NCK2: variants seen among roughly 807,000 people sequenced by gnomAD.
NCK2 encodes the protein NCK adaptor protein 2, also known as cytoplasmic protein NCK2.
In NCK2, 16 loss-of-function variants were observed where a neutral mutation model predicts 33.9. That is an observed-to-expected ratio of 0.47 (90% confidence interval 0.32 to 0.72). The LOEUF (loss-of-function observed/expected upper bound fraction) is 0.72. Ranked by LOEUF, NCK2 falls within the 30% of genes least tolerant of loss-of-function variation. The pLI is 0.03. For missense variants in NCK2, 418 were observed against 537.3 expected (o/e 0.78, Z 2.19); for synonymous variants, 273 against 239.9 (o/e 1.14, Z -1.27).
chr2:105,755,066 A>G (rs1377668336), intron 1 of NCK2, among the ~76,000 whole-genome samples: 2 of 151,898 alleles, frequency 1.3e-5, no homozygotes, highest in Non-Finnish European at 2.9e-5. Flanking sequence ...TGTCTTTGTT[A>G]CTGCCCTCAT....
chr2:105,859,745 C>T lies in NCK2; in HGVS notation c.226+4456C>T, dbSNP rs115027465. 7.6e-3 allele frequency among the ~76,000 whole-genome samples: 1,158 copies of T among 152,212 alleles called. 16 individuals carry two copies. Among genetic ancestry groups the T allele is most frequent in the African/African-American group, 0.026 (1,091 of 41,524 alleles). On this transcript the variant is annotated intron_variant, in intron 3 of 4. Transcript: ENST00000233154. ...AAGGAGTACAGCTGTAGGATTGTTA[C>T]GTAAGATCCAAAAGCAGTGAAAAGC...
At chr2:105,821,615 G>T (rs1675743277) in intron 2 of NCK2, among the ~76,000 whole-genome samples, 1 of 152,166 alleles carries the variant, frequency 6.6e-6, no homozygotes, top group South Asian at 2.1e-4. Flanking sequence ...TGATTCCACA[G>T]TGCCCCGGTG....
chr2:105,757,629 A>G (rs1202088742), intron 1 of NCK2, among the ~76,000 whole-genome samples: 1 of 152,224 alleles, frequency 6.6e-6, no homozygotes, highest in African/African-American at 2.4e-5. Context: ...AGCAAACCAG[A>G]CAAACACCAG....
At chr2:105,875,870 TATG>T (rs1247787638) in intron 3 of NCK2, among the ~76,000 whole-genome samples, 2 of 152,262 alleles carry the variant, frequency 1.3e-5, no homozygotes, top group Non-Finnish European at 2.9e-5. Flanking sequence ...ACCGTAATTT[TATG>T]ATGATAGATT....
chr2:105,868,620 G>T (rs1332453378), intron 3 of NCK2, among the ~76,000 whole-genome samples: 1 of 152,210 alleles, frequency 6.6e-6, no homozygotes, highest in African/African-American at 2.4e-5. Context: ...TGTTTAACCG[G>T]CTGTGCTAAG....
intron 1 of NCK2, among the ~76,000 whole-genome samples, chr2:105,754,307 A>G (rs1689541060): frequency 6.6e-6 from 1 of 152,212 alleles, no homozygotes; most frequent in Admixed American, 6.5e-5. Flanking sequence ...GGAAGTGAGA[A>G]GTGAAAAGTA....
At chr2:105,758,585 T>A (rs996316342) in intron 1 of NCK2, among the ~76,000 whole-genome samples, 165 of 152,144 alleles carry the variant, frequency 1.1e-3, no homozygotes, top group Non-Finnish European at 1.8e-4. Context: ...AATTTTCGTA[T>A]TTTTAGTAGA....
At chr2:105,774,011 C>CTTT (rs34519484) in intron 1 of NCK2, among the ~76,000 whole-genome samples, 2,019 of 142,576 alleles carry the variant, frequency 0.014, 77 homozygotes, top group African/African-American at 0.043. Flanking sequence ...TTCCAGCTAT[C>CTTT]TTTTTTTTTT....
rs143037116 is a variant in NCK2 at position 105,874,671 on chromosome 2, C to T, written c.227-6657C>T. 6.0e-3 allele frequency among the ~76,000 whole-genome samples: 910 copies of T among 152,308 alleles called. 8 individuals carry two copies. Among genetic ancestry groups the T allele is most frequent in the African/African-American group, 0.021 (879 of 41,560 alleles). On this transcript the variant is annotated intron_variant, in intron 3 of 4. Coordinates refer to ENST00000233154, the MANE Select transcript of NCK2 (RefSeq NM_003581.5). ...GTTTGACGCTTCAGCTTAAATCTCC[C>T]GAACTCCAGCTGGAAGATGACAGGC...
At chr2:105,839,556 C>A (rs975896638) in intron 2 of NCK2, among the ~76,000 whole-genome samples, 3 of 152,192 alleles carry the variant, frequency 2.0e-5, no homozygotes, top group Non-Finnish European at 2.9e-5. Flanking sequence ...CTCAGAAGGG[C>A]AGACTGCGGG....
At chr2:105,805,551 A>G (rs1015857797) in intron 1 of NCK2, among the ~76,000 whole-genome samples, 1 of 152,062 alleles carries the variant, frequency 6.6e-6, no homozygotes, top group Non-Finnish European at 1.5e-5. Context: ...AAATTTCCCG[A>G]ACTTACTCAT....
chr2:105,807,636 C>T (rs762403632), intron 1 of NCK2, among the ~76,000 whole-genome samples: 16 of 152,018 alleles, frequency 1.1e-4, no homozygotes, highest in African/African-American at 2.4e-4. Flanking sequence ...TGAGCCCCTG[C>T]GGAGGCTGAT....
chr2:105,841,232 C>A (rs1181624978), intron 2 of NCK2, among the ~76,000 whole-genome samples: 2 of 152,198 alleles, frequency 1.3e-5, no homozygotes, highest in South Asian at 4.1e-4. Context: ...ACCTACCTTC[C>A]CCTACTTTAA....
At chr2:105,758,114 A>T (rs1393460536) in intron 1 of NCK2, among the ~76,000 whole-genome samples, 1 of 152,202 alleles carries the variant, frequency 6.6e-6, no homozygotes, top group Admixed American at 6.5e-5. Flanking sequence ...TTTATCTCTT[A>T]AAAATGAGTT....
At chr2:105,879,869 T>A (rs544026106) in intron 3 of NCK2, among the ~76,000 whole-genome samples, 1 of 152,232 alleles carries the variant, frequency 6.6e-6, no homozygotes, top group Non-Finnish European at 1.5e-5. Context: ...AAGCTACCCA[T>A]GGAAGTGCTT....
At chr2:105,744,775 C>G (rs1189309173), upstream of NCK2, 1 of 149,958 alleles carries the variant, frequency 6.7e-6, no homozygotes, top group Non-Finnish European at 1.5e-5. Flanking sequence ...CCTGGGCCGG[C>G]CCCTGGGCGG....
At chr2:105,799,270 T>TAAA (rs34629499) in intron 1 of NCK2, among the ~76,000 whole-genome samples, 1 of 149,398 alleles carries the variant, frequency 6.7e-6, no homozygotes. Flanking sequence ...GTCCTAGGTT[T>TAAA]AAAAAAAAAA....
In NCK2 at chr2:105,781,502, A is replaced by C. The variant is rs1291661816; in HGVS notation, c.-200-34928A>C. 5.9e-5 allele frequency among the ~76,000 whole-genome samples: 9 copies of C among 152,146 alleles called. No homozygotes were observed. In the South Asian group the frequency reaches 6.2e-4, roughly 10 times the overall value. On this transcript the variant is annotated intron_variant, in intron 1 of 4. Transcript: ENST00000233154. The stretch of plus-strand genomic sequence containing the variant: ...TACGTCTGTTTCGTAATATTTCTGC[A>C]CTCATTCCTGGAAGGCAGTACAGCC...
intron 2 of NCK2, among the ~76,000 whole-genome samples, chr2:105,851,584 A>T (rs1573203025): frequency 6.6e-6 from 1 of 152,172 alleles, no homozygotes; most frequent in East Asian, 1.9e-4. Context: ...GGGTCTTGGG[A>T]AGTGTGGCTT....
Sources: gnomAD v4.1 joint callset for allele counts (sites outside exome capture counted in the v4.1 genomes callset) on GRCh38, gnomAD v4.1.1 for gene constraint, MANE v1.5 for transcripts, NCBI Gene and HGNC (gene_info 2026-07-23, HGNC 2026-07-21) for gene names.